Variants in BAIAP2L1 observed in about 807,000 individuals in gnomAD.
BAIAP2L1 encodes the protein BAR/IMD domain containing adaptor protein 2 like 1, also known as BAR/IMD domain-containing adapter protein 2-like 1.
In BAIAP2L1, 35 loss-of-function variants were observed where a neutral mutation model predicts 66.3. That is an observed-to-expected ratio of 0.53 (90% CI 0.40 to 0.70). BAIAP2L1 has a LOEUF of 0.70. Among genes scored for constraint, BAIAP2L1 ranks in the 30% least tolerant of loss-of-function variants. The probability of loss-of-function intolerance (pLI) is 0.00; values close to 1 mark genes in which losing one functional copy is unlikely to be tolerated. For missense variants in BAIAP2L1, 622 were observed against 656.9 expected (o/e 0.95, Z 0.58); for synonymous variants, 269 against 248.7 (o/e 1.08, Z -0.77).
intron 3 of BAIAP2L1, among the ~76,000 whole-genome samples, chr7:98,345,394 C>T (rs898591027): frequency 6.6e-6 from 1 of 152,040 alleles, no homozygotes; most frequent in African/African-American, 2.4e-5. Context: ...TCTGAACAGA[C>T]ATTTCTCCAA....
At chr7:98,396,855 T>C (rs776154981) in intron 1 of BAIAP2L1, among the ~76,000 whole-genome samples, 1 of 152,166 alleles carries the variant, frequency 6.6e-6, no homozygotes, top group Non-Finnish European at 1.5e-5. Context: ...GATGTTTACT[T>C]AGAATTAAGC....
intron 2 of BAIAP2L1, among the ~76,000 whole-genome samples, chr7:98,358,906 T>C (rs1261331687): frequency 1.3e-5 from 2 of 152,166 alleles, no homozygotes; most frequent in Non-Finnish European, 2.9e-5. Context: ...CCAGGTGGTG[T>C]GGCCATGGGA....
intron 2 of BAIAP2L1, among the ~76,000 whole-genome samples, chr7:98,357,917 C>G (rs961738406): frequency 6.6e-6 from 1 of 152,138 alleles, no homozygotes; most frequent in Non-Finnish European, 1.5e-5. Flanking sequence ...AATTATGGTG[C>G]TTTCTGATTC....
chr7:98,312,672 G>C (rs1036540697), intron 7 of BAIAP2L1, among the ~76,000 whole-genome samples: 1 of 152,146 alleles, frequency 6.6e-6, no homozygotes, highest in Non-Finnish European at 1.5e-5. Context: ...CACAGGCCAC[G>C]GGCCCCGTAG....
intron 1 of BAIAP2L1, among the ~76,000 whole-genome samples, chr7:98,377,049 C>T (rs1802649817): frequency 6.6e-6 from 1 of 152,148 alleles, no homozygotes; most frequent in African/African-American, 2.4e-5. Flanking sequence ...AGAAGATATT[C>T]TGCTTAAGGG....
chr7:98,371,685 T>C (rs1279641859), intron 1 of BAIAP2L1, among the ~76,000 whole-genome samples: 2 of 152,216 alleles, frequency 1.3e-5, no homozygotes, highest in Admixed American at 6.5e-5. Flanking sequence ...TATGGAACTA[T>C]ACATAAATTA....
chr7:98,321,685 C>T (rs1656077124), intron 3 of BAIAP2L1, among the ~76,000 whole-genome samples: 1 of 152,170 alleles, frequency 6.6e-6, no homozygotes, highest in Admixed American at 6.5e-5. Flanking sequence ...GGTCTGACAC[C>T]TAAGAAATGG....
At chr7:98,380,736 GTTTTTT>G (rs11293027) in intron 1 of BAIAP2L1, among the ~76,000 whole-genome samples, 6 of 115,194 alleles carry the variant, frequency 5.2e-5, no homozygotes, top group Non-Finnish European at 1.0e-4. Context: ...TATCCGGTCC[GTTTTTT>G]TTTTTTTTTT....
At chr7:98,338,837 G>A (rs1584468170) in intron 3 of BAIAP2L1, among the ~76,000 whole-genome samples, 1 of 152,126 alleles carries the variant, frequency 6.6e-6, no homozygotes, top group Non-Finnish European at 1.5e-5. Context: ...ACTTTGGGAG[G>A]CTGAGGTGGG....
intron 1 of BAIAP2L1, among the ~76,000 whole-genome samples, chr7:98,366,657 A>C (rs546023733): frequency 6.6e-6 from 1 of 152,276 alleles, no homozygotes; most frequent in East Asian, 1.9e-4. Flanking sequence ...GAAGAAAATA[A>C]AATACACAAG....
chr7:98,328,151 C>T (rs1801413656), intron 3 of BAIAP2L1, among the ~76,000 whole-genome samples: 1 of 151,916 alleles, frequency 6.6e-6, no homozygotes, highest in South Asian at 2.1e-4. Flanking sequence ...CGACTGCTGA[C>T]CTCTGAGTAA....
intron 1 of BAIAP2L1, among the ~76,000 whole-genome samples, chr7:98,374,353 C>G (rs1389463931): frequency 1.3e-5 from 2 of 152,172 alleles, no homozygotes; most frequent in Non-Finnish European, 2.9e-5. Flanking sequence ...CATGGATTGT[C>G]TCAACTGATC....
chr7:98,364,851 G>A (rs1802355080), intron 1 of BAIAP2L1, among the ~76,000 whole-genome samples: 1 of 151,332 alleles, frequency 6.6e-6, no homozygotes, highest in South Asian at 2.1e-4. Context: ...GCCAAGGGTG[G>A]TGGCTTGTGG....
intron 12 of BAIAP2L1, among the ~76,000 whole-genome samples, chr7:98,302,170 C>A (rs530797204): frequency 6.6e-6 from 1 of 152,236 alleles, no homozygotes; most frequent in Non-Finnish European, 1.5e-5. Context: ...CTGATACTTA[C>A]AACCAGGCTT....
intron 1 of BAIAP2L1, among the ~76,000 whole-genome samples, chr7:98,365,851 T>C (rs1371213875): frequency 6.6e-6 from 1 of 152,208 alleles, no homozygotes; most frequent in African/African-American, 2.4e-5. Context: ...CCTGTCTGAA[T>C]TTTTTGGTGT....
chr7:98,336,417 C>T (rs1584466212), intron 3 of BAIAP2L1, among the ~76,000 whole-genome samples: 1 of 152,256 alleles, frequency 6.6e-6, no homozygotes, highest in East Asian at 1.9e-4. Flanking sequence ...AGTTCGAGAC[C>T]AGCCTGGCCA....
chr7:98,326,338 A>G (rs1029379644), intron 3 of BAIAP2L1, among the ~76,000 whole-genome samples: 1 of 152,160 alleles, frequency 6.6e-6, no homozygotes, highest in African/African-American at 2.4e-5. Context: ...ACCCCAAATA[A>G]GTGATAGGGT....
chr7:98,306,793 G>C, intron 10 of BAIAP2L1: 1 of 427,370 alleles, frequency 2.3e-6, no homozygotes, highest in Non-Finnish European at 4.3e-6. Flanking sequence ...CAGCAGCCTC[G>C]AACTCATGGG....
At chr7:98,392,897 A>G (rs1803079703) in intron 1 of BAIAP2L1, among the ~76,000 whole-genome samples, 1 of 114,048 alleles carries the variant, frequency 8.8e-6, no homozygotes, top group South Asian at 2.4e-4. Context: ...GGTTCAGGCA[A>G]TTCTCCTGCC....
Sources: allele counts gnomAD v4.1 joint callset (sites outside exome capture counted in the v4.1 genomes callset), GRCh38; gene constraint gnomAD v4.1.1; transcripts MANE v1.5; gene names NCBI Gene and HGNC (gene_info 2026-07-23, HGNC 2026-07-21).